Variants in PRRG2 observed in about 807,000 individuals in gnomAD.
The protein encoded by PRRG2 is transmembrane gamma-carboxyglutamic acid protein 2.
Under a neutral mutation model 27.1 loss-of-function variants are expected in PRRG2, and 23 were observed. The ratio of observed to expected loss-of-function variants is 0.85; its 90% CI spans 0.61 to 1.20. The LOEUF is 1.20. PRRG2 is among the 50% of genes most tolerant of loss of function. The pLI is 0.00. For missense variants in PRRG2, 276 were observed against 254.8 expected, an observed-to-expected ratio of 1.08 and a Z score of -0.57; for synonymous variants, 104 against 103.4, an observed-to-expected ratio of 1.01 and a Z score of -0.03.
At position 49,588,743 on chromosome 19, in the gene PRRG2, C is replaced by T. The variant is rs1203798853; in HGVS notation, c.437+111C>T. On this transcript the variant is annotated intron_variant, in intron 5 of 6. Coordinates refer to ENST00000246794, the MANE Select transcript of PRRG2 (RefSeq NM_000951.3). ...GGGGCAGGCAGGCACTGATGAAAGA[C>T]CTAAGGACACAGTCATTTGGAGAGT... 16 of 1,307,054 alleles carry T rather than the reference C, an allele frequency of 1.2e-5. No homozygotes were observed. In the African/African-American group the frequency reaches 1.4e-4, roughly 11 times the overall value. The allele number at this position is 1,307,054 out of a possible 1,614,324, so 81.0% of individuals were successfully genotyped here.
chr19:49,587,942 T>G (rs56873913), intron 4 of PRRG2, among the ~76,000 whole-genome samples: 48,424 of 149,994 alleles, frequency 0.32, 8,711 homozygotes, highest in African/African-American at 0.51. Flanking sequence ...GTTTTTTTGG[T>G]TTTTGTTTGT....
upstream of PRRG2, among the ~76,000 whole-genome samples, chr19:49,580,941 C>G (rs2080617736): frequency 6.6e-6 from 1 of 152,176 alleles, no homozygotes; most frequent in Non-Finnish European, 1.5e-5. Flanking sequence ...GAAGAGACAA[C>G]TACGCTCCCA....
upstream of PRRG2, among the ~76,000 whole-genome samples, chr19:49,581,097 A>T (rs2080618867): frequency 6.6e-6 from 1 of 152,086 alleles, no homozygotes; most frequent in Admixed American, 6.6e-5. Flanking sequence ...AGAGACCTAG[A>T]TATTAATTTT....
chr19:49,584,506 T>C (rs1364279026), intron 4 of PRRG2, among the ~76,000 whole-genome samples: 1 of 152,154 alleles, frequency 6.6e-6, no homozygotes, highest in Non-Finnish European at 1.5e-5. Flanking sequence ...TCTCGCTGTG[T>C]CACCCAGGCT....
In PRRG2 at chr19:49,590,060, G is replaced by T. The variant is rs752428398; in HGVS notation, c.590+8G>T. 1.3e-6 allele frequency: 2 copies of T among 1,494,668 alleles called. No homozygotes were observed. Among genetic ancestry groups the T allele is most frequent in the South Asian group, 1.3e-5 (1 of 78,056 alleles). The allele number at this position is 1,494,668 out of a possible 1,614,324, so 92.6% of individuals were successfully genotyped here. On this transcript the variant is annotated splice_region_variant and intron_variant, in intron 6 of 6. Transcript: ENST00000246794. ...TCCACCCCCCTACACCAGGTATGGG[G>T]CGTGGCTTCTGCCCGGGGGCGGGGC... is the stretch of plus-strand genomic sequence containing the variant.
intron 4 of PRRG2, among the ~76,000 whole-genome samples, chr19:49,587,456 G>A (rs2080679581): frequency 6.7e-6 from 1 of 148,898 alleles, no homozygotes; most frequent in Non-Finnish European, 1.5e-5. Flanking sequence ...GGGACTACAG[G>A]CAAGAACCAC....
chr19:49,583,527 T>G lies in PRRG2; in HGVS notation c.86-15T>G. The G allele has an allele frequency of 5.6e-6, 9 of 1,613,294 alleles. No individual in the cohort carries two copies. In the Middle Eastern group the frequency reaches 1.3e-3, roughly 237 times the overall value. On this transcript the variant is annotated splice_polypyrimidine_tract_variant and intron_variant, in intron 2 of 6. Transcript: ENST00000246794. ...GGACCCTCCATTTTTCTGTCCCTCATGTCTTTGGGTCCAGAAGTCTTCCTG... is the reference window on the plus strand; with the variant it reads ...GGACCCTCCATTTTTCTGTCCCTCAGGTCTTTGGGTCCAGAAGTCTTCCTG...
chr19:49,588,222 C>T (rs1011848436), intron 4 of PRRG2, among the ~76,000 whole-genome samples: 1 of 152,170 alleles, frequency 6.6e-6, no homozygotes, highest in East Asian at 1.9e-4. Flanking sequence ...CCTAGGCCTC[C>T]CAAGTGCTGG....
At position 49,583,573 on chromosome 19, in the gene PRRG2, C is replaced by A. The variant is rs953139242; in HGVS notation, c.117C>A (p.Ser39Arg). 1 of 1,614,212 alleles carries A rather than the reference C, an allele frequency of 6.2e-7. No individual in the cohort carries two copies. The highest frequency in any genetic ancestry group is 8.5e-7 in the Non-Finnish European group (1 of 1,180,032). ...TCCTGGGTCCCCCAGAGGCCCAGAG[C>A]TTCCTGAGTAGCCATACCCGGATTC... ...EVFLGPPEAQ[S>R]FLSSHTRIPR... The change falls in exon 3 of 7, where the codon AGC (serine) becomes AGA (arginine). Residue 39 changes from serine (S) to arginine (R), a missense_variant. Transcript: ENST00000246794.
Position 49,590,437 on chromosome 19 carries a change from A to G in PRRG2, c.*48A>G. Reference sequence around the variant, plus strand: ...TCTCCGAACCGTGCCCCTGATTCATACCGGATTCCGGAAGCCGCTAGGCCT... The same window carrying G: ...TCTCCGAACCGTGCCCCTGATTCATGCCGGATTCCGGAAGCCGCTAGGCCT... On this transcript the variant is annotated 3_prime_UTR_variant, in exon 7 of 7. Transcript: ENST00000246794. The G allele has an allele frequency of 6.2e-7, 1 of 1,613,112 alleles. No individual in the cohort carries two copies. The highest frequency in any genetic ancestry group is 8.5e-7 in the Non-Finnish European group (1 of 1,179,498).
At chr19:49,584,133 GC>G (rs1382021433) in intron 4 of PRRG2, among the ~76,000 whole-genome samples, 181 bp downstream of exon 4, 1 of 151,150 alleles carries the variant, frequency 6.6e-6, no homozygotes, top group South Asian at 2.1e-4. Context: ...TGCCTGAGGA[GC>G]CCCCCACACC....
chr19:49,586,383 G>A (rs897448245), intron 4 of PRRG2, among the ~76,000 whole-genome samples: 3 of 107,000 alleles, frequency 2.8e-5, no homozygotes, highest in African/African-American at 4.5e-5. Flanking sequence ...CACCAAGCCC[G>A]GCCATTTTTT....
Position 49,588,584 on chromosome 19 carries a change from G to T in PRRG2, c.389G>T (p.Trp130Leu). 6.4e-7 allele frequency: 1 copy of T among 1,554,438 alleles called. No homozygotes were observed. Among genetic ancestry groups the T allele is most frequent in the Middle Eastern group, 1.7e-4 (1 of 5,946 alleles). The stretch of plus-strand genomic sequence containing the variant: ...GTCCTGGCCGGCCTGGGAGCCTTTT[G>T]GTATCTGCGCTGGCGACAGCACCGA... ...LIVLAGLGAF[W>L]YLRWRQHRGQ... is the part of the protein sequence containing the mutation. Residue 130 changes from tryptophan to leucine, a missense_variant, in exon 5 of 7, where the codon TGG (tryptophan) becomes TTG (leucine). By Grantham distance (61) the Trp-to-Leu change is moderately conservative. Transcript: ENST00000246794.
intron 5 of PRRG2, among the ~76,000 whole-genome samples, chr19:49,589,378 G>A (rs1352276430): frequency 2.0e-5 from 3 of 150,644 alleles, no homozygotes; most frequent in Non-Finnish European, 4.4e-5. Flanking sequence ...TGCCCGCCTT[G>A]GCCTCCCAAA....
rs2080714782 is a variant in PRRG2 at position 49,590,684 on chromosome 19, G to T, written c.*295G>T. ...GTAGGCAGACGCGCGGGGAAATTCGGACCCAGGAGCCCAGCCCCGGCTGTG... is the reference window on the plus strand; with the variant it reads ...GTAGGCAGACGCGCGGGGAAATTCGTACCCAGGAGCCCAGCCCCGGCTGTG... On this transcript the variant is annotated 3_prime_UTR_variant, in exon 7 of 7. Coordinates refer to ENST00000246794, the MANE Select transcript of PRRG2 (RefSeq NM_000951.3). 1.2e-5 allele frequency: 6 copies of T among 502,100 alleles called. No individual in the cohort carries two copies. The highest frequency in any genetic ancestry group is 2.1e-5 in the Non-Finnish European group (6 of 279,334). 31.1% of individuals were successfully genotyped at this position (502,100 alleles called of 1,614,324 possible). A position where few individuals can be genotyped will look rare whatever the true frequency, so the allele number is the denominator to read the frequency against.
chr19:49,586,872 T>C (rs980666006), intron 4 of PRRG2, among the ~76,000 whole-genome samples: 1 of 151,780 alleles, frequency 6.6e-6, no homozygotes, highest in African/African-American at 2.4e-5. Context: ...AAAACCAACA[T>C]TTTTTCCCCA....
intron 4 of PRRG2, among the ~76,000 whole-genome samples, chr19:49,584,563 G>C (rs1012585501): frequency 6.6e-6 from 1 of 152,098 alleles, no homozygotes; most frequent in African/African-American, 2.4e-5. Context: ...CAACCTCCCG[G>C]GCTCAAGCGA....
intron 4 of PRRG2, among the ~76,000 whole-genome samples, chr19:49,585,111 C>G (rs891604126): frequency 2.0e-5 from 3 of 152,184 alleles, no homozygotes. Flanking sequence ...CCAGACCAGA[C>G]GAAGAAGCCT....
At chr19:49,586,170 C>T (rs2080668109) in intron 4 of PRRG2, among the ~76,000 whole-genome samples, 1 of 151,920 alleles carries the variant, frequency 6.6e-6, no homozygotes. Flanking sequence ...CAGCCTCGAC[C>T]TCCTAGGCTC....
Sources: allele counts gnomAD v4.1 joint callset (sites outside exome capture counted in the v4.1 genomes callset), GRCh38; gene constraint gnomAD v4.1.1; transcripts MANE v1.5; gene names NCBI Gene and HGNC (gene_info 2026-07-23, HGNC 2026-07-21).